Variants in ATG5 observed in about 807,000 individuals in gnomAD.
ATG5 encodes autophagy protein 5.
In ATG5, 14 loss-of-function variants were observed where a neutral mutation model predicts 36.5. The observed-to-expected ratio is 0.38, with a 90% CI of 0.25 to 0.60. The LOEUF (loss-of-function observed/expected upper bound fraction) is 0.60, where lower values mean the gene tolerates loss of function less well. Ranked by LOEUF, ATG5 falls within the 20% of genes least tolerant of loss-of-function variation. The pLI, the probability that ATG5 is intolerant of heterozygous loss-of-function variation, is 0.60. For synonymous variants in ATG5, 95 were observed against 101.5 expected (o/e 0.94, Z 0.38); for missense variants, 195 against 326.7 (o/e 0.60, Z 3.11).
At chr6:106,250,966 G>A (rs1778550667) in intron 5 of ATG5, among the ~76,000 whole-genome samples, 1 of 152,194 alleles carries the variant, frequency 6.6e-6, no homozygotes, top group African/African-American at 2.4e-5. Flanking sequence ...TAGGAGAAAC[G>A]GTTCTGCCCA....
At chr6:106,255,268 T>C (rs902464574) in intron 5 of ATG5, among the ~76,000 whole-genome samples, 2 of 152,142 alleles carry the variant, frequency 1.3e-5, no homozygotes, top group Admixed American at 6.5e-5. Context: ...TAACATGTCT[T>C]AATATAGTAG....
intron 7 of ATG5, among the ~76,000 whole-genome samples, chr6:106,187,190 G>A (rs1251744792): frequency 6.6e-6 from 1 of 152,128 alleles, no homozygotes; most frequent in East Asian, 1.9e-4. Context: ...ATTCAAGTAT[G>A]TATCAAAATG....
chr6:106,302,117 C>T (rs1020061302), intron 3 of ATG5, among the ~76,000 whole-genome samples: 1 of 151,616 alleles, frequency 6.6e-6, no homozygotes, highest in Non-Finnish European at 1.5e-5. Context: ...AAAAGAACCA[C>T]AAAAAAGGTC....
intron 6 of ATG5, among the ~76,000 whole-genome samples, chr6:106,237,713 G>A (rs552911165): frequency 1.1e-4 from 17 of 152,172 alleles, no homozygotes; most frequent in Non-Finnish European, 1.9e-4. Flanking sequence ...ATCCAGTCCC[G>A]AATTCCATAA....
intron 6 of ATG5, among the ~76,000 whole-genome samples, chr6:106,241,427 C>A (rs1778120427): frequency 6.6e-6 from 1 of 152,142 alleles, no homozygotes; most frequent in African/African-American, 2.4e-5. Context: ...CTACGGAAAA[C>A]AGTATGGCCA....
rs145951868 is a variant in ATG5 at position 106,314,322 on chromosome 6, C to T, written c.108+1779G>A. On this transcript the variant is annotated intron_variant, in intron 2 of 7. Transcript: ENST00000369076. Reference sequence around the variant, plus strand: ...CTGTAATCCGGGCATTTTGGAAGGCCGAGGCGGGCAGATCACTTAAGGTCA... The same window carrying T: ...CTGTAATCCGGGCATTTTGGAAGGCTGAGGCGGGCAGATCACTTAAGGTCA... Among the ~76,000 whole-genome samples, 566 of 152,140 alleles carry T rather than the reference C, an allele frequency of 3.7e-3. 3 individuals carry two copies. The highest frequency in any genetic ancestry group is 0.014 in the South Asian group (65 of 4,814).
At chr6:106,296,705 C>G (rs1350960119) in intron 3 of ATG5, among the ~76,000 whole-genome samples, 1 of 152,288 alleles carries the variant, frequency 6.6e-6, no homozygotes, top group East Asian at 1.9e-4. Flanking sequence ...GTAGTCCTAG[C>G]TACTCGGGAG....
At chr6:106,217,347 T>A (rs1175878280) in intron 6 of ATG5, 2 of 152,338 alleles carry the variant, frequency 1.3e-5, no homozygotes, top group East Asian at 3.9e-4. Flanking sequence ...GAAATTACAA[T>A]ATGCTAGTTT....
At chr6:106,278,796 T>C (rs1290808277) in intron 5 of ATG5, among the ~76,000 whole-genome samples, 1 of 152,206 alleles carries the variant, frequency 6.6e-6, no homozygotes, top group Admixed American at 6.5e-5. Context: ...CTTTGCTATC[T>C]GTGGGTAAAA....
intron 6 of ATG5, among the ~76,000 whole-genome samples, chr6:106,205,359 A>G (rs1776590220): frequency 6.6e-6 from 1 of 152,248 alleles, no homozygotes. Flanking sequence ...GCTCTCATTC[A>G]TATCCTAATT....
At chr6:106,225,435 G>C (rs138168592) in intron 6 of ATG5, among the ~76,000 whole-genome samples, 1 of 152,184 alleles carries the variant, frequency 6.6e-6, no homozygotes, top group African/African-American at 2.4e-5. Flanking sequence ...GCAATATACT[G>C]AGTTGAAATT....
chr6:106,317,573 T>C (rs1361654246), intron 1 of ATG5, among the ~76,000 whole-genome samples: 2 of 149,620 alleles, frequency 1.3e-5, no homozygotes, highest in East Asian at 3.9e-4. Flanking sequence ...AGAATTCTGG[T>C]TATTAAACTG....
At chr6:106,223,752 A>G (rs778608675) in intron 6 of ATG5, among the ~76,000 whole-genome samples, 5 of 152,246 alleles carry the variant, frequency 3.3e-5, no homozygotes, top group Non-Finnish European at 5.9e-5. Context: ...ATGGTGAAAT[A>G]TTTAAAAATA....
chr6:106,237,656 C>G (rs1280800806), intron 6 of ATG5, among the ~76,000 whole-genome samples: 1 of 152,114 alleles, frequency 6.6e-6, no homozygotes, highest in Admixed American at 6.5e-5. Flanking sequence ...CTTTGTTGTA[C>G]AATTTTAGAG....
At chr6:106,198,908 T>G (rs1776310159) in intron 7 of ATG5, among the ~76,000 whole-genome samples, 1 of 151,620 alleles carries the variant, frequency 6.6e-6, no homozygotes, top group South Asian at 2.1e-4. Flanking sequence ...TGCTAAAAAC[T>G]GAGTAATAAG....
chr6:106,198,276 A>G (rs1430417964), intron 7 of ATG5, among the ~76,000 whole-genome samples: 1 of 152,206 alleles, frequency 6.6e-6, no homozygotes, highest in Non-Finnish European at 1.5e-5. Context: ...TGTCTCTAGA[A>G]AGGGGAACCA....
chr6:106,220,367 A>G (rs138292952), intron 6 of ATG5, among the ~76,000 whole-genome samples: 119 of 152,292 alleles, frequency 7.8e-4, no homozygotes, highest in African/African-American at 2.7e-3. Context: ...AGTATAATAT[A>G]AAATCCCAAA....
chr6:106,286,136 G>A (rs931200800), intron 4 of ATG5, among the ~76,000 whole-genome samples: 5 of 152,258 alleles, frequency 3.3e-5, no homozygotes, highest in African/African-American at 1.2e-4. Flanking sequence ...AAGCACCCAG[G>A]GAGAACATAC....
At chr6:106,204,360 AGT>A (rs1776550857) in intron 6 of ATG5, among the ~76,000 whole-genome samples, 1 of 152,194 alleles carries the variant, frequency 6.6e-6, no homozygotes, top group African/African-American at 2.4e-5. Flanking sequence ...AATATATTTG[AGT>A]GTTTGTGACA....
Sources: gnomAD v4.1 joint callset for allele counts (sites outside exome capture counted in the v4.1 genomes callset) on GRCh38, gnomAD v4.1.1 for gene constraint, MANE v1.5 for transcripts, NCBI Gene and HGNC (gene_info 2026-07-23, HGNC 2026-07-21) for gene names.